The following UTY variants were observed in gnomAD, a reference collection of about 807,000 sequenced individuals.
The protein encoded by UTY is histone demethylase UTY.
Under a neutral mutation model 32.5 loss-of-function variants are expected in UTY, and 12 were observed. The observed-to-expected ratio is 0.37, with a 90% confidence interval of 0.24 to 0.60. The LOEUF is 0.60. UTY is among the 20% of genes least tolerant of loss of function. UTY has a pLI of 0.69. For missense variants in UTY, 303 were observed against 299.2 expected (o/e 1.01, Z -0.09); for synonymous variants, 131 against 103.4 (o/e 1.27, Z -1.62).
chrY:13,397,272 A>G, intron 6 of UTY, among the ~76,000 whole-genome samples: 1 of 34,011 alleles, frequency 2.9e-5, no homozygotes, highest in East Asian at 7.5e-4. Context: ...CAAAATATTA[A>G]GGTATAAAAT....
chrY:13,372,478 A>C, intron 8 of UTY, among the ~76,000 whole-genome samples: 1 of 33,313 alleles, frequency 3.0e-5, no homozygotes, highest in African/African-American at 1.2e-4. Flanking sequence ...CCCTAAATGT[A>C]AGGCTTGAAT....
intron 28 of UTY, among the ~76,000 whole-genome samples, chrY:13,252,781 C>A: frequency 2.9e-5 from 1 of 34,402 alleles, no homozygotes; most frequent in Non-Finnish European, 7.3e-5. Flanking sequence ...GTTAACTAGC[C>A]CAACCTATTC....
At chrY:13,454,937 G>GA (rs751472156) in intron 3 of UTY, among the ~76,000 whole-genome samples, 13 of 2,852 alleles carry the variant, frequency 4.6e-3, no homozygotes, top group East Asian at 8.5e-3. Context: ...ACTGTCTCAG[G>GA]AAAAAAAAAA....
chrY:13,328,095 C>T (rs2060390389), intron 18 of UTY, among the ~76,000 whole-genome samples: 1 of 32,770 alleles, frequency 3.1e-5, no homozygotes. Context: ...GGTGTGGTGG[C>T]GGTGGCCTGC....
intron 17 of UTY, among the ~76,000 whole-genome samples, chrY:13,345,965 G>A (rs2061850371): frequency 6.0e-5 from 2 of 33,076 alleles, no homozygotes; most frequent in Non-Finnish European, 7.4e-5. Flanking sequence ...ACATTTTGAT[G>A]CCTGCCAAGC....
intron 6 of UTY, among the ~76,000 whole-genome samples, chrY:13,401,652 G>T (rs2069009788): frequency 3.0e-5 from 1 of 32,974 alleles, no homozygotes; most frequent in African/African-American, 1.2e-4. Flanking sequence ...AAGGTGGGTG[G>T]ATCACCTGAG....
At chrY:13,446,604 AG>A (rs2075840814) in intron 4 of UTY, among the ~76,000 whole-genome samples, 1 of 27,621 alleles carries the variant, frequency 3.6e-5, no homozygotes, top group Non-Finnish European at 8.4e-5. Context: ...ATAGATAGAT[AG>A]ATAGATAGAT....
intron 17 of UTY, among the ~76,000 whole-genome samples, chrY:13,351,178 C>CA (rs2062378901): frequency 3.1e-5 from 1 of 32,117 alleles, no homozygotes; most frequent in Non-Finnish European, 7.5e-5. Flanking sequence ...GCTCATGTCA[C>CA]ATTGTATTAC....
chrY:13,416,430 GT>G (rs2071691610), intron 4 of UTY, among the ~76,000 whole-genome samples: 1 of 33,959 alleles, frequency 2.9e-5, no homozygotes, highest in African/African-American at 1.2e-4. Flanking sequence ...AATTATTAAT[GT>G]TAAAGTCTTG....
At chrY:13,328,194 TC>T (rs2060396980) in intron 18 of UTY, among the ~76,000 whole-genome samples, 1 of 33,400 alleles carries the variant, frequency 3.0e-5, no homozygotes, top group Non-Finnish European at 7.4e-5. Context: ...GCCATTGCAC[TC>T]CAGCCTGGCT....
chrY:13,339,499 C>T (rs1342101705), intron 17 of UTY, among the ~76,000 whole-genome samples: 1 of 33,661 alleles, frequency 3.0e-5, no homozygotes, highest in Non-Finnish European at 7.4e-5. Flanking sequence ...CCTCCCAGGG[C>T]GTGATGACTA....
chrY:13,270,938 G>A, intron 27 of UTY, among the ~76,000 whole-genome samples: 1 of 32,821 alleles, frequency 3.0e-5, no homozygotes, highest in Admixed American at 2.8e-4. Context: ...AAAATTAGCC[G>A]GTGTGGTGGC....
At chrY:13,340,029 C>T in intron 17 of UTY, among the ~76,000 whole-genome samples, 1 of 33,347 alleles carries the variant, frequency 3.0e-5, no homozygotes, top group Non-Finnish European at 7.4e-5. Context: ...AAACAGAGAA[C>T]CCTTTGTGAG....
intron 6 of UTY, among the ~76,000 whole-genome samples, chrY:13,398,654 T>C (rs2068574451): frequency 3.0e-5 from 1 of 33,182 alleles, no homozygotes; most frequent in African/African-American, 1.2e-4. Flanking sequence ...ATTATAAACT[T>C]AACAAGGACT....
chrY:13,478,870 A>C (rs1157403417), intron 2 of UTY, among the ~76,000 whole-genome samples: 2 of 33,484 alleles, frequency 6.0e-5, no homozygotes, highest in Non-Finnish European at 1.5e-4. Context: ...AAAAGGCAAA[A>C]AAATGTTTAA....
Position 13,355,018 on chromosome Y carries a change from T to C in UTY, c.2046A>G (p.Leu682=). 2.5e-6 allele frequency: 1 copy of C among 398,977 alleles called. No individual in the cohort carries two copies. Among genetic ancestry groups the C allele is most frequent in the African/African-American group, 6.1e-5 (1 of 16,348 alleles). ...SSTEEPWRKQ[L]SNSAQGLHKS... ...CTTTTTTTACCTGAGCGGAGTTAGA[T>C]AGCTGTTTTCTCCATGGCTCTTCTG... The change falls in exon 17 of 30, where the codon CTA becomes CTG. Residue 682 remains leucine (L), a synonymous_variant. Transcript: ENST00000545955.
intron 8 of UTY, among the ~76,000 whole-genome samples, chrY:13,384,093 C>T (rs2066462017): frequency 2.9e-5 from 1 of 34,272 alleles, no homozygotes; most frequent in African/African-American, 1.1e-4. Context: ...CTACAATTCT[C>T]TACAATCTCT....
At chrY:13,263,249 A>G (rs1042610547) in intron 27 of UTY, among the ~76,000 whole-genome samples, 5 of 33,503 alleles carry the variant, frequency 1.5e-4, no homozygotes, top group Non-Finnish European at 3.0e-4. Flanking sequence ...TATTAACAAT[A>G]TTGAATAACT....
chrY:13,286,831 C>G, intron 27 of UTY: 1 of 365,934 alleles, frequency 2.7e-6, no homozygotes, highest in Non-Finnish European at 3.9e-6. Flanking sequence ...GATTCCAGCA[C>G]AGTGACTCCC....
Sources: gnomAD v4.1 joint callset for allele counts (sites outside exome capture counted in the v4.1 genomes callset) on GRCh38, gnomAD v4.1.1 for gene constraint, MANE v1.5 for transcripts, NCBI Gene and HGNC (gene_info 2026-07-23, HGNC 2026-07-21) for gene names.